ZFR2: variants seen among roughly 807,000 people sequenced by gnomAD.
ZFR2 encodes zinc finger RNA-binding protein 2.
In ZFR2, 104 loss-of-function variants were observed where a neutral mutation model predicts 105.7. The observed-to-expected ratio is 0.98, with a 90% CI of 0.84 to 1.16. ZFR2 has a LOEUF of 1.16. Among genes scored for constraint, ZFR2 ranks in the 50% most tolerant of loss-of-function variants. The probability of loss-of-function intolerance (pLI) is 0.00; values close to 1 mark genes in which losing one functional copy is unlikely to be tolerated. For synonymous variants in ZFR2, 634 were observed against 597.7 expected, an observed-to-expected ratio of 1.06 and a Z score of -0.89; for missense variants, 1,425 against 1,355.5, an observed-to-expected ratio of 1.05 and a Z score of -0.80.
intron 16 of ZFR2, among the ~76,000 whole-genome samples, chr19:3,810,172 G>C (rs530900157): frequency 5.3e-5 from 8 of 152,326 alleles, no homozygotes; most frequent in Admixed American, 4.6e-4. Flanking sequence ...CGCAGGGCGG[G>C]GGGGAGGCCG....
intron 1 of ZFR2, among the ~76,000 whole-genome samples, chr19:3,861,490 G>A (rs1473623340): frequency 6.6e-6 from 1 of 151,956 alleles, no homozygotes; most frequent in African/African-American, 2.4e-5. Flanking sequence ...GCCTGGTGTG[G>A]TGGTGTTTAC....
At chr19:3,832,632 T>TTG (rs1555756324) in intron 3 of ZFR2, among the ~76,000 whole-genome samples, 1 of 149,586 alleles carries the variant, frequency 6.7e-6, no homozygotes, top group Non-Finnish European at 1.5e-5. Flanking sequence ...TATTTTGTTT[T>TTG]TTTTTTTTAT....
intron 2 of ZFR2, 148 bp from the exon 3 acceptor site, chr19:3,833,926 C>T (rs2038047885): frequency 1.7e-6 from 1 of 599,822 alleles, no homozygotes; most frequent in Non-Finnish European, 2.8e-6. Flanking sequence ...CAGGCCCTGG[C>T]CCGGAGGCAG....
chr19:3,829,232 G>T (rs1037478841), intron 5 of ZFR2, among the ~76,000 whole-genome samples: 42 of 152,072 alleles, frequency 2.8e-4, no homozygotes, highest in African/African-American at 9.4e-4. Context: ...AAAGTGCTGG[G>T]ATTACAGGTG....
At chr19:3,863,477 C>T (rs1393227920) in intron 1 of ZFR2, among the ~76,000 whole-genome samples, 2 of 152,046 alleles carry the variant, frequency 1.3e-5, no homozygotes, top group African/African-American at 4.8e-5. Context: ...GCCCAGGCTG[C>T]AGTGCAGTGG....
intron 6 of ZFR2, 109 bp downstream of exon 6, chr19:3,827,362 G>C: frequency 1.5e-6 from 2 of 1,333,240 alleles, no homozygotes; most frequent in Non-Finnish European, 1.9e-6. Flanking sequence ...CACTTGGGGA[G>C]GCTTCTCCCA....
At chr19:3,849,853 G>C (rs1568430804) in intron 1 of ZFR2, among the ~76,000 whole-genome samples, 1 of 152,202 alleles carries the variant, frequency 6.6e-6, no homozygotes, top group African/African-American at 2.4e-5. Context: ...ATGGATGTGC[G>C]ACCAACATGC....
chr19:3,857,048 C>G (rs952964406), intron 1 of ZFR2: 1 of 145,142 alleles, frequency 6.9e-6, no homozygotes, highest in East Asian at 2.0e-4. Context: ...CAATTTTAAG[C>G]GATGCTAGGA....
rs2037839409 is a variant in ZFR2 at position 3,817,584 on chromosome 19, T to C, written c.1932-739A>G. Among the ~76,000 whole-genome samples the C allele has an allele frequency of 2.2e-5, 3 of 135,980 alleles. No individual in the cohort carries two copies. In the Admixed American group the frequency reaches 2.4e-4, roughly 11 times the overall value. The allele number at this position is 135,980 out of a possible 152,430, so 89.2% of individuals were successfully genotyped here. On this transcript the variant is annotated intron_variant, in intron 12 of 18. Coordinates refer to ENST00000262961, the MANE Select transcript of ZFR2 (RefSeq NM_015174.2). ...AAAATAATGATAATAATAATAATAA[T>C]AATAATAATAATAATAATAATAATT...
intron 18 of ZFR2, 136 bp downstream of exon 18, chr19:3,807,036 G>A (rs778746846): frequency 7.4e-6 from 5 of 672,844 alleles, no homozygotes; most frequent in African/African-American, 1.8e-5. Context: ...TGCCACCCAC[G>A]GGCCGCCCTC....
intron 6 of ZFR2, among the ~76,000 whole-genome samples, chr19:3,826,144 TCTC>T (rs946320257): frequency 6.6e-6 from 1 of 151,920 alleles, no homozygotes; most frequent in African/African-American, 2.4e-5. Context: ...CCAGGCCAAG[TCTC>T]CTTCCCCCGT....
chr19:3,831,041 G>A (rs1272184870), intron 5 of ZFR2, among the ~76,000 whole-genome samples: 1 of 151,150 alleles, frequency 6.6e-6, no homozygotes, highest in Non-Finnish European at 1.5e-5. Flanking sequence ...ATACGTGCAA[G>A]CACACATACA....
At chr19:3,815,572 C>A (rs1341088817) in intron 13 of ZFR2, among the ~76,000 whole-genome samples, 3 of 152,124 alleles carry the variant, frequency 2.0e-5, no homozygotes, top group Non-Finnish European at 4.4e-5. Flanking sequence ...GTGCAGCTTT[C>A]ATCATCATTT....
At position 3,823,541 on chromosome 19, in the gene ZFR2, G is replaced by A; in HGVS notation, c.1214-138C>T. ...CCCCTCCCTCCTGTGATGTCAGGGGGAATGGCCCCGGACAGCAACCTCGCT... is the reference window on the plus strand; with the variant it reads ...CCCCTCCCTCCTGTGATGTCAGGGGAAATGGCCCCGGACAGCAACCTCGCT... On this transcript the variant is annotated intron_variant, in intron 7 of 18. Transcript: ENST00000262961. This position sits in a 1 kb window ranked among gnomAD's most constrained non-coding sequence, Gnocchi z 5.4. 1.1e-6 allele frequency: 1 copy of A among 880,474 alleles called. No individual in the cohort carries two copies. Among genetic ancestry groups the A allele is most frequent in the Admixed American group, 3.0e-5 (1 of 33,530 alleles). The allele number at this position is 880,474 out of a possible 1,614,324, so 54.5% of individuals were successfully genotyped here.
chr19:3,826,217 G>T (rs1166939554), intron 6 of ZFR2, among the ~76,000 whole-genome samples: 2 of 152,032 alleles, frequency 1.3e-5, no homozygotes, highest in East Asian at 1.9e-4. Flanking sequence ...TTCCCCTGTG[G>T]GTTCACACGG....
At chr19:3,863,260 C>G (rs988074224) in intron 1 of ZFR2, among the ~76,000 whole-genome samples, 2 of 152,180 alleles carry the variant, frequency 1.3e-5, no homozygotes, top group Non-Finnish European at 2.9e-5. Flanking sequence ...GTCACTGGCA[C>G]TGGGGCTGCC....
Position 3,834,696 on chromosome 19 carries a change from T to C in ZFR2, c.264+77A>G. On this transcript the variant is annotated intron_variant, in intron 2 of 18. Coordinates refer to ENST00000262961, the MANE Select transcript of ZFR2 (RefSeq NM_015174.2). This position sits in a 1 kb window ranked among gnomAD's most constrained non-coding sequence, Gnocchi z 5.3. Reference sequence around the variant, plus strand: ...AGAGGCCTGGGAGAAGGAGTAGCTGTGGGAAGCCCACCGCTCTCACCCATG... The same window carrying C: ...AGAGGCCTGGGAGAAGGAGTAGCTGCGGGAAGCCCACCGCTCTCACCCATG... 6.9e-7 allele frequency: 1 copy of C among 1,445,530 alleles called. No individual in the cohort carries two copies. The highest frequency in any genetic ancestry group is 9.5e-7 in the Non-Finnish European group (1 of 1,050,616). The allele number at this position is 1,445,530 out of a possible 1,614,324, so 89.5% of individuals were successfully genotyped here.
rs1388987994 is a variant in ZFR2, at chr19:3,813,687, G to A, written c.2242+133C>T. 7.0e-6 allele frequency: 9 copies of A among 1,288,804 alleles called. No homozygotes were observed. In the Admixed American group the frequency reaches 1.2e-4, roughly 17 times the overall value. 79.8% of individuals were successfully genotyped at this position (1,288,804 alleles called of 1,614,324 possible). On this transcript the variant is annotated intron_variant, in intron 14 of 18. Transcript: ENST00000262961. The surrounding 1 kb of genome is among the most constrained non-coding windows in gnomAD (Gnocchi z 4.4). ...GACCCATGGAATCCTCAGGGGGACA[G>A]CAGTGCTGGAGCGTGGCTGCTGTGG...
At position 3,813,070 on chromosome 19, in the gene ZFR2, A is replaced by G. The variant is rs1324916570; in HGVS notation, c.2242+750T>C. ...ACTCCAGCCTGGGCAACAGAGCGAG[A>G]CTCTGTCTCAAAAAACAAACAAACA... is the stretch of plus-strand genomic sequence containing the variant. On this transcript the variant is annotated intron_variant, in intron 14 of 18. Coordinates refer to ENST00000262961, the MANE Select transcript of ZFR2 (RefSeq NM_015174.2). The surrounding 1 kb of genome is among the most constrained non-coding windows in gnomAD (Gnocchi z 4.4). 1.3e-5 allele frequency among the ~76,000 whole-genome samples: 2 copies of G among 152,162 alleles called. No homozygotes were observed. The highest frequency in any genetic ancestry group is 2.9e-5 in the Non-Finnish European group (2 of 68,034).
Sources: allele counts gnomAD v4.1 joint callset (sites outside exome capture counted in the v4.1 genomes callset), GRCh38; gene constraint gnomAD v4.1.1; non-coding constraint Gnocchi (gnomAD v3.1); transcripts MANE v1.5; gene names NCBI Gene and HGNC (gene_info 2026-07-23, HGNC 2026-07-21).